The following SGK2 variants were observed in gnomAD, a reference collection of about 807,000 sequenced individuals.
SGK2 encodes the protein serum/glucocorticoid regulated kinase 2.
SGK2 carries 36 observed loss-of-function variants against 47.5 expected under a neutral mutation model. That is an observed-to-expected ratio of 0.76 (90% CI 0.58 to 1.00). The LOEUF is 1.00. Among genes scored for constraint, SGK2 ranks in the 50% least tolerant of loss-of-function variants. SGK2 has a pLI of 0.00. For synonymous variants in SGK2, 157 were observed against 181.9 expected, an observed-to-expected ratio of 0.86 and a Z score of 1.10; for missense variants, 404 against 467.4, an observed-to-expected ratio of 0.86 and a Z score of 1.25.
chr20:43,575,513 G>C (rs1264783411), intron 10 of SGK2, among the ~76,000 whole-genome samples: 3 of 150,782 alleles, frequency 2.0e-5, no homozygotes, highest in Non-Finnish European at 2.9e-5. Flanking sequence ...TCTCACCTTG[G>C]GTGCCTCAAA....
chr20:43,584,811 G>C, intron 12 of SGK2, 41 bp from the exon 13 acceptor site: 1 of 1,588,106 alleles, frequency 6.3e-7, no homozygotes, highest in Non-Finnish European at 8.6e-7. Flanking sequence ...TGGCAGCTCT[G>C]ACCCCGGTGT....
In SGK2 at chr20:43,571,157, TG is replaced by T. The variant is rs1222511025; in HGVS notation, c.510+98del. The T allele has an allele frequency of 5.1e-6, 8 of 1,573,496 alleles. No individual in the cohort carries two copies. The African/African-American group carries it at 9.5e-5, about 19-fold the overall frequency. ...ATGAGTCTGTGTACATGGGTGTGCA[TG>T]CATTGTACATGTATGCATATAGGTA... On this transcript the variant is annotated intron_variant, in intron 8 of 12. Coordinates refer to ENST00000373100, the MANE Select transcript of SGK2 (RefSeq NM_170693.3).
chr20:43,583,720 G>A (rs1329339781), intron 12 of SGK2: 1 of 562,952 alleles, frequency 1.8e-6, no homozygotes, highest in African/African-American at 2.0e-5. Context: ...TGTAACCCCA[G>A]CACTTTATGA....
At chr20:43,561,847 G>A (rs1364742905) in intron 1 of SGK2, among the ~76,000 whole-genome samples, 2 of 152,196 alleles carry the variant, frequency 1.3e-5, no homozygotes, top group African/African-American at 4.8e-5. Context: ...AGAAGCCATT[G>A]CAATAATCCA....
intron 1 of SGK2, 93 bp from the exon 2 acceptor site, chr20:43,566,380 G>T (rs757375489): frequency 1.2e-6 from 2 of 1,614,192 alleles, no homozygotes; most frequent in South Asian, 1.1e-5. Context: ...GGTAGGGGAG[G>T]ATGGAGAGGG....
chr20:43,562,874 T>C (rs937325113), intron 1 of SGK2, among the ~76,000 whole-genome samples: 1 of 152,116 alleles, frequency 6.6e-6, no homozygotes, highest in Admixed American at 6.5e-5. Context: ...GGCTCACGCC[T>C]GTAATCCCAA....
chr20:43,562,055 G>C (rs1459157862), intron 1 of SGK2, among the ~76,000 whole-genome samples: 2 of 152,112 alleles, frequency 1.3e-5, no homozygotes, highest in African/African-American at 4.8e-5. Flanking sequence ...TGAAGACTGA[G>C]GGAGGAGCAG....
intron 1 of SGK2, 56 bp from the exon 2 acceptor site, chr20:43,566,417 C>CG: frequency 6.2e-7 from 1 of 1,614,036 alleles, no homozygotes; most frequent in East Asian, 2.2e-5. Context: ...CCTGGATGGG[C>CG]GGAGCTGACC....
chr20:43,580,031 G>T lies in SGK2; in HGVS notation c.909G>T (p.Lys303Asn). The T allele has an allele frequency of 6.2e-7, 1 of 1,608,800 alleles. No homozygotes were observed. Among genetic ancestry groups the T allele is most frequent in the Non-Finnish European group, 8.5e-7 (1 of 1,177,490 alleles). Residue 303 changes from lysine to asparagine, a missense_variant, in exon 12 of 13, where the codon AAG becomes AAT. Coordinates refer to ENST00000373100, the MANE Select transcript of SGK2 (RefSeq NM_170693.3). ...SPINWDDLYH[K>N]RLTPPFNPNV... ...TAAACTGGGATGACCTGTACCACAAGAGGCTAACTCCACCCTTCAACCCAA... is the reference window on the plus strand; with the variant it reads ...TAAACTGGGATGACCTGTACCACAATAGGCTAACTCCACCCTTCAACCCAA...
chr20:43,571,426 A>T (rs1980122817), intron 8 of SGK2, among the ~76,000 whole-genome samples: 1 of 152,164 alleles, frequency 6.6e-6, no homozygotes, highest in Non-Finnish European at 1.5e-5. Flanking sequence ...GGGGTAAAAA[A>T]ACAGGATTGG....
chr20:43,582,448 C>A (rs1980855103), intron 12 of SGK2, among the ~76,000 whole-genome samples: 1 of 151,966 alleles, frequency 6.6e-6, no homozygotes, highest in Non-Finnish European at 1.5e-5. Context: ...AGTGCAGTGG[C>A]ACGATCTCAG....
chr20:43,584,998 T>G lies in SGK2; in HGVS notation c.1086T>G (p.Asp362Glu). Reference protein sequence around the residue: ...FLGFSYAPEDDDILDC With the variant: ...FLGFSYAPEDEDILDC Reference sequence around the variant, plus strand: ...GATTTTCTTATGCGCCAGAGGATGATGACATCTTGGATTGCTAGAAGAGAA... The same window carrying G: ...GATTTTCTTATGCGCCAGAGGATGAGGACATCTTGGATTGCTAGAAGAGAA... The change falls in exon 13 of 13, where the codon GAT becomes GAG. Residue 362 changes from aspartate (D) to glutamate (E), a missense_variant. By Grantham distance (45) the Asp-to-Glu change is conservative. Transcript: ENST00000373100. The G allele has an allele frequency of 6.2e-7, 1 of 1,613,932 alleles. No homozygotes were observed. The highest frequency in any genetic ancestry group is 8.5e-7 in the Non-Finnish European group (1 of 1,179,912).
chr20:43,569,355 A>G (rs1316995199), intron 5 of SGK2, 30 bp from the exon 6 acceptor site: 1 of 1,612,312 alleles, frequency 6.2e-7, no homozygotes, highest in South Asian at 1.1e-5. Flanking sequence ...GTGGGCTGTG[A>G]CATGGACCCC....
At chr20:43,568,260 G>C (rs1009945651) in intron 5 of SGK2, among the ~76,000 whole-genome samples, 6 of 152,184 alleles carry the variant, frequency 3.9e-5, no homozygotes, top group Non-Finnish European at 7.3e-5. Context: ...CGATGGACAA[G>C]TCTTCTGCCT....
intron 9 of SGK2, among the ~76,000 whole-genome samples, chr20:43,573,674 A>C (rs985244241): frequency 1.3e-5 from 2 of 151,978 alleles, no homozygotes; most frequent in Non-Finnish European, 2.9e-5. Context: ...CTTTTTCTCC[A>C]TATGCTTGAA....
At chr20:43,582,783 G>A (rs1348938364) in intron 12 of SGK2, among the ~76,000 whole-genome samples, 7 of 151,976 alleles carry the variant, frequency 4.6e-5, no homozygotes, top group African/African-American at 1.7e-4. Flanking sequence ...GCCTCTCCAG[G>A]TTCAAGCAAT....
chr20:43,564,235 G>C (rs1390927721), intron 1 of SGK2, among the ~76,000 whole-genome samples: 1 of 152,260 alleles, frequency 6.6e-6, no homozygotes, highest in Non-Finnish European at 1.5e-5. Flanking sequence ...CCTGCCCTGA[G>C]GACTGGGCCA....
In SGK2 at chr20:43,585,078, G is replaced by A; in HGVS notation, c.*62G>A. On this transcript the variant is annotated 3_prime_UTR_variant, in exon 13 of 13. Coordinates refer to ENST00000373100, the MANE Select transcript of SGK2 (RefSeq NM_170693.3). ...TATTAGTAAGGAATTACCTTCAGCT[G>A]CTAGGAAGAGCGACTCAAACTAACA... The A allele has an allele frequency of 1.4e-6, 2 of 1,467,116 alleles. No individual in the cohort carries two copies. The highest frequency in any genetic ancestry group is 1.9e-6 in the Non-Finnish European group (2 of 1,076,022). 90.9% of individuals were successfully genotyped at this position (1,467,116 alleles called of 1,614,324 possible).
intron 2 of SGK2, 127 bp downstream of exon 2, chr20:43,566,658 T>A: frequency 1.5e-6 from 1 of 647,428 alleles, no homozygotes; most frequent in Non-Finnish European, 2.7e-6. Flanking sequence ...AATGAGCCAC[T>A]TGCAGGGTGA....
Sources: allele counts gnomAD v4.1 joint callset (sites outside exome capture counted in the v4.1 genomes callset), GRCh38; gene constraint gnomAD v4.1.1; transcripts MANE v1.5; gene names NCBI Gene and HGNC (gene_info 2026-07-23, HGNC 2026-07-21).